GPATCH3: variants seen among roughly 807,000 people sequenced by gnomAD.
The protein encoded by GPATCH3 is G patch domain-containing protein 3.
In GPATCH3, 45 loss-of-function variants were observed where a neutral mutation model predicts 53.2. The ratio of observed to expected loss-of-function variants is 0.85; its 90% CI spans 0.67 to 1.08. The LOEUF (loss-of-function observed/expected upper bound fraction) is 1.08. Among genes scored for constraint, GPATCH3 ranks in the 50% least tolerant of loss-of-function variants. The pLI is 0.00. For missense variants in GPATCH3, 680 were observed against 687.2 expected, an observed-to-expected ratio of 0.99 and a Z score of 0.12; for synonymous variants, 280 against 270.6, an observed-to-expected ratio of 1.03 and a Z score of -0.34.
chr1:26,897,089 C>T (rs556993747), intron 2 of GPATCH3, among the ~76,000 whole-genome samples: 3 of 152,048 alleles, frequency 2.0e-5, no homozygotes, highest in South Asian at 4.2e-4. Flanking sequence ...GACCCACTTA[C>T]GAATCTTCTG....
At chr1:26,899,847 G>A in intron 1 of GPATCH3, 145 bp downstream of exon 1, 2 of 712,430 alleles carry the variant, frequency 2.8e-6, no homozygotes, top group South Asian at 1.9e-5. Context: ...CTAACTCCCT[G>A]CAAGTTGAGC....
Position 26,890,957 on chromosome 1 carries a change from G to T in GPATCH3, c.*53C>A. The stretch of plus-strand genomic sequence containing the variant: ...CCTTTCTGCTTCAGTGGTAGATGAG[G>T]CCAGGGCAGAGGGTTTTCATCATGT... On this transcript the variant is annotated 3_prime_UTR_variant, in exon 7 of 7. Transcript: ENST00000361720. The T allele has an allele frequency of 6.6e-7, 1 of 1,509,380 alleles. No individual in the cohort carries two copies. Among genetic ancestry groups the T allele is most frequent in the Non-Finnish European group, 9.2e-7 (1 of 1,085,124 alleles). The allele number at this position is 1,509,380 out of a possible 1,614,324, so 93.5% of individuals were successfully genotyped here.
At position 26,900,193 on chromosome 1, in the gene GPATCH3, T is replaced by A. The variant is rs750303670; in HGVS notation, c.250A>T (p.Thr84Ser). Reference sequence around the variant, plus strand: ...CGAGTGGAGAGAGGCCGGACATCGGTGGCCGAAGTCTGAGAGAGAAGCTGG... The same window carrying A: ...CGAGTGGAGAGAGGCCGGACATCGGAGGCCGAAGTCTGAGAGAGAAGCTGG... ...EGQLLSQTSA[T>S]DVRPLSTRDS... The change falls in exon 1 of 7, where the codon ACC (threonine) becomes TCC (serine). Residue 84 changes from threonine (T) to serine (S), a missense_variant. Thr to Ser is a moderately conservative substitution (Grantham distance 58). Transcript: ENST00000361720. The A allele has an allele frequency of 8.1e-6, 13 of 1,613,878 alleles. No individual in the cohort carries two copies. Among genetic ancestry groups the A allele is most frequent in the African/African-American group, 2.7e-5 (2 of 74,836 alleles).
intron 3 of GPATCH3, 50 bp from the exon 4 acceptor site, chr1:26,893,498 C>G: frequency 1.3e-6 from 1 of 786,694 alleles, no homozygotes; most frequent in Non-Finnish European, 2.1e-6. Context: ...ACTCTCAGTT[C>G]TATTAAGAGT....
intron 2 of GPATCH3, among the ~76,000 whole-genome samples, chr1:26,895,555 A>AAG (rs2081947384): frequency 6.8e-6 from 1 of 147,776 alleles, no homozygotes; most frequent in African/African-American, 2.5e-5. Context: ...GAAAGGAAGG[A>AAG]AGGAAGGGGA....
Position 26,891,097 on chromosome 1 carries a change from CTGG to C in GPATCH3, c.1488_1490del (p.Gln497del), listed in dbSNP as rs1167436523. On this transcript the variant is annotated inframe_deletion, in exon 7 of 7. Coordinates refer to ENST00000361720, the MANE Select transcript of GPATCH3 (RefSeq NM_022078.3). ...TCCGAAACTTCATGCTGGTGGGTGGCTGGCGGCGGAGCAGTGACTCCGTCTGGT... is the reference window on the plus strand; with the variant it reads ...TCCGAAACTTCATGCTGGTGGGTGGCCGGCGGAGCAGTGACTCCGTCTGGT... The C allele has an allele frequency of 6.2e-7, 1 of 1,614,042 alleles. No individual in the cohort carries two copies. Among genetic ancestry groups the C allele is most frequent in the African/African-American group, 1.3e-5 (1 of 74,914 alleles).
Position 26,892,681 on chromosome 1 carries a change from G to A in GPATCH3, c.1222C>T (p.Arg408Cys), listed in dbSNP as rs748609259. 1.4e-5 allele frequency: 23 copies of A among 1,613,982 alleles called. No homozygotes were observed. The Admixed American group carries it at 1.5e-4, about 11-fold the overall frequency. ...VIERQVGTFERHTKGIGRKVM... is the reference protein window; with the variant it reads ...VIERQVGTFECHTKGIGRKVM... ...CAGTGCTAACTCACCTTGGTGTGGC[G>A]CTCAAAGGTGCCCACCTGGCGTTCG... is the stretch of plus-strand genomic sequence containing the variant. Residue 408 changes from arginine (R) to cysteine (C), a missense_variant, in exon 5 of 7, where the codon CGC (arginine) becomes TGC (cysteine). Transcript: ENST00000361720.
chr1:26,892,764 G>A lies in GPATCH3; in HGVS notation c.1139C>T (p.Ser380Phe). The A allele has an allele frequency of 2.5e-6, 4 of 1,614,028 alleles. No homozygotes were observed. Among genetic ancestry groups the A allele is most frequent in the Non-Finnish European group, 2.5e-6 (3 of 1,179,850 alleles). Residue 380 changes from serine to phenylalanine, a missense_variant, in exon 5 of 7, where the codon TCT becomes TTT. Ser to Phe is a radical substitution (Grantham distance 155). Coordinates refer to ENST00000361720, the MANE Select transcript of GPATCH3 (RefSeq NM_022078.3). The part of the protein sequence containing the change: ...RDGGDKDARD[S>F]VQMRLEQRLR... The stretch of plus-strand genomic sequence containing the variant: ...TCTCTGTTCCAGACGCATTTGGACA[G>A]AGTCTCGGGCATCCTTGTCTCCACC...
intron 1 of GPATCH3, among the ~76,000 whole-genome samples, chr1:26,898,730 G>A (rs1270307358): frequency 1.3e-5 from 2 of 149,082 alleles, no homozygotes; most frequent in Non-Finnish European, 3.0e-5. Context: ...ACAGTGGCGC[G>A]ATCTTGACTC....
At position 26,900,077 on chromosome 1, in the gene GPATCH3, C is replaced by A. The variant is rs2081968420; in HGVS notation, c.366G>T (p.Ser122=). The A allele has an allele frequency of 6.2e-7, 1 of 1,614,034 alleles. No individual in the cohort carries two copies. Among genetic ancestry groups the A allele is most frequent in the South Asian group, 1.1e-5 (1 of 91,078 alleles). Reference sequence around the variant, plus strand: ...CGTGAGAATCCAGCCACCGGCGGCCCGAGTACATGCGAATAAGCCTCTGAG... The same window carrying A: ...CGTGAGAATCCAGCCACCGGCGGCCAGAGTACATGCGAATAAGCCTCTGAG... ...AQAQRLIRMY[S]GRRWLDSHGT... The change falls in exon 1 of 7, where the codon TCG becomes TCT. Residue 122 remains serine (S), a synonymous_variant. Coordinates refer to ENST00000361720, the MANE Select transcript of GPATCH3 (RefSeq NM_022078.3).
intron 2 of GPATCH3, among the ~76,000 whole-genome samples, chr1:26,894,744 C>G (rs541708172): frequency 6.6e-6 from 1 of 152,264 alleles, no homozygotes; most frequent in African/African-American, 2.4e-5. Flanking sequence ...TGAAGCCCCC[C>G]ACATTTAGGC....
In GPATCH3 at chr1:26,900,164, G is replaced by A. The variant is rs774548802; in HGVS notation, c.279C>T (p.Asp93=). The stretch of plus-strand genomic sequence containing the variant: ...AGGTGCGGGTCTGGATTGGAGTAGA[G>A]TCTCGAGTGGAGAGAGGCCGGACAT... ...ATDVRPLSTR[D]STPIQTRTCC... The change falls in exon 1 of 7, where the codon GAC becomes GAT. Residue 93 remains aspartate (D), a synonymous_variant. Transcript: ENST00000361720. 3 of 1,614,048 alleles carry A rather than the reference G, an allele frequency of 1.9e-6. No individual in the cohort carries two copies. Among genetic ancestry groups the A allele is most frequent in the East Asian group, 2.2e-5 (1 of 44,894 alleles).
intron 2 of GPATCH3, among the ~76,000 whole-genome samples, chr1:26,896,085 G>A (rs1487424105): frequency 6.6e-6 from 1 of 152,226 alleles, no homozygotes; most frequent in African/African-American, 2.4e-5. Context: ...CTAATGAAGT[G>A]AGAGTGGAGG....
At chr1:26,893,323 G>T in intron 4 of GPATCH3, 66 bp downstream of exon 4, 2 of 1,256,766 alleles carry the variant, frequency 1.6e-6, no homozygotes, top group Non-Finnish European at 2.3e-6. Context: ...GCTAGCTCTG[G>T]TAAAGTGTCA....
At chr1:26,899,780 C>T (rs985978905) in intron 1 of GPATCH3, among the ~76,000 whole-genome samples, 4 of 152,184 alleles carry the variant, frequency 2.6e-5, no homozygotes, top group Admixed American at 6.5e-5. Flanking sequence ...AGGGACCTAA[C>T]AAAATGAAGG....
rs748003777 is a variant in GPATCH3 at position 26,897,686 on chromosome 1, T to G, written c.491A>C (p.Gln164Pro). 9.3e-6 allele frequency: 15 copies of G among 1,613,958 alleles called. No homozygotes were observed. Among genetic ancestry groups the G allele is most frequent in the Non-Finnish European group, 1.0e-5 (12 of 1,179,932 alleles). ...GGCTTCATTCTCTGCCTTCCAACTCTGCAGTTCCTTCCGGGTCTTGAAGGG... is the reference window on the plus strand; with the variant it reads ...GGCTTCATTCTCTGCCTTCCAACTCGGCAGTTCCTTCCGGGTCTTGAAGGG... ...SFPFKTRKEL[Q>P]SWKAENEAFT... The change falls in exon 2 of 7, where the codon CAG becomes CCG. Residue 164 changes from glutamine to proline, a missense_variant. Physicochemically the swap from Gln to Pro is moderately conservative, Grantham distance 76. Coordinates refer to ENST00000361720, the MANE Select transcript of GPATCH3 (RefSeq NM_022078.3).
intron 2 of GPATCH3, among the ~76,000 whole-genome samples, chr1:26,894,774 C>T (rs1171319888): frequency 6.6e-6 from 1 of 152,170 alleles, no homozygotes; most frequent in African/African-American, 2.4e-5. Context: ...TCATACCAGT[C>T]TCTGAACTCC....
intron 3 of GPATCH3, among the ~76,000 whole-genome samples, chr1:26,893,861 G>A (rs534406169): frequency 2.6e-5 from 4 of 151,868 alleles, no homozygotes; most frequent in South Asian, 2.1e-4. Context: ...CTGTCCCCCA[G>A]GCTGGAGTAA....
rs376433715 is a variant in GPATCH3 at position 26,894,401 on chromosome 1, G to A, written c.886C>T (p.Arg296Trp). ...EESHSDEDDD[R>W]GEEWERHEAL... ...TCATGCCGTTCCCATTCCTCACCCC[G>A]GTCATCGTCCTAAAAGGCAGGGAGA... Residue 296 changes from arginine to tryptophan, a missense_variant, in exon 3 of 7, where the codon CGG becomes TGG. Physicochemically the swap from Arg to Trp is moderately radical, Grantham distance 101 (BLOSUM62 -3). Transcript: ENST00000361720. The A allele has an allele frequency of 2.3e-5, 37 of 1,613,696 alleles. No individual in the cohort carries two copies. The highest frequency in any genetic ancestry group is 1.2e-4 in the African/African-American group (9 of 74,856).
Sources: allele counts gnomAD v4.1 joint callset (sites outside exome capture counted in the v4.1 genomes callset), GRCh38; gene constraint gnomAD v4.1.1; transcripts MANE v1.5; gene names NCBI Gene and HGNC (gene_info 2026-07-23, HGNC 2026-07-21).